The following RGS7 variants were observed in gnomAD, a reference collection of about 807,000 sequenced individuals.
RGS7 encodes regulator of G-protein signaling 7.
A neutral mutation model predicts 81.1 loss-of-function variants in RGS7; 27 were observed. That is an observed-to-expected ratio of 0.33 (90% CI 0.25 to 0.46). RGS7 has a LOEUF of 0.46. RGS7 is among the 20% of genes least tolerant of loss of function. The pLI, the probability that RGS7 is intolerant of heterozygous loss-of-function variation, is 1.00. For missense variants in RGS7, 396 were observed against 607.4 expected (o/e 0.65, Z 3.66); for synonymous variants, 208 against 207.7 (o/e 1.00, Z -0.01).
At chr1:240,851,957 C>T (rs1227581854) in intron 9 of RGS7, among the ~76,000 whole-genome samples, 2 of 152,104 alleles carry the variant, frequency 1.3e-5, no homozygotes, top group Non-Finnish European at 2.9e-5. Context: ...ATGGTGTGAA[C>T]ATTGTTGAAA....
intron 3 of RGS7, among the ~76,000 whole-genome samples, chr1:241,009,733 G>C (rs1558591013): frequency 6.6e-6 from 1 of 152,148 alleles, no homozygotes; most frequent in Non-Finnish European, 1.5e-5. Context: ...TACTTGAATG[G>C]GCATGTTAGA....
intron 3 of RGS7, among the ~76,000 whole-genome samples, chr1:241,064,233 T>C (rs935680318): frequency 6.6e-6 from 1 of 151,300 alleles, no homozygotes; most frequent in African/African-American, 2.4e-5. Flanking sequence ...GCTGTGCTTT[T>C]TGTAGGTCAG....
At chr1:241,056,617 C>A (rs2148820919) in intron 3 of RGS7, among the ~76,000 whole-genome samples, 1 of 152,280 alleles carries the variant, frequency 6.6e-6, no homozygotes, top group East Asian at 1.9e-4. Flanking sequence ...AACCTTTGGT[C>A]TCTCCTGGGC....
At chr1:240,803,667 C>CAA (rs58638602) in intron 15 of RGS7, among the ~76,000 whole-genome samples, 156 of 132,406 alleles carry the variant, frequency 1.2e-3, no homozygotes, top group African/African-American at 1.6e-3. Flanking sequence ...ATAGACAAGT[C>CAA]AAAAAAAAAA....
At chr1:241,293,989 T>G (rs555469126) in intron 2 of RGS7, among the ~76,000 whole-genome samples, 1 of 152,210 alleles carries the variant, frequency 6.6e-6, no homozygotes, top group Non-Finnish European at 1.5e-5. Flanking sequence ...ACACATGCAC[T>G]TGTATGTTTA....
chr1:241,320,603 T>A (rs1213741427), intron 2 of RGS7, among the ~76,000 whole-genome samples: 1 of 152,240 alleles, frequency 6.6e-6, no homozygotes, highest in Non-Finnish European at 1.5e-5. Context: ...ATAAATTCAA[T>A]CTATACATTT....
At chr1:241,099,278 C>T (rs1047113241) in intron 2 of RGS7, among the ~76,000 whole-genome samples, 3 of 152,096 alleles carry the variant, frequency 2.0e-5, no homozygotes, top group South Asian at 2.1e-4. Flanking sequence ...ATCTCTTGCC[C>T]GGGTACTTAC....
chr1:241,355,529 T>C (rs2083505738), intron 2 of RGS7, among the ~76,000 whole-genome samples, 170 bp downstream of exon 2: 1 of 152,190 alleles, frequency 6.6e-6, no homozygotes, highest in Admixed American at 6.5e-5. Context: ...TTTCCCCACA[T>C]ATGCATCATT....
intron 5 of RGS7, among the ~76,000 whole-genome samples, chr1:240,932,560 G>C (rs1198472381): frequency 2.2e-5 from 3 of 136,522 alleles, no homozygotes; most frequent in Admixed American, 7.9e-5. Context: ...CCAGGCTGGA[G>C]TGCAGTGGTG....
chr1:241,159,682 A>T (rs60621897), intron 2 of RGS7, among the ~76,000 whole-genome samples: 2,197 of 152,268 alleles, frequency 0.014, 41 homozygotes, highest in African/African-American at 0.05. Flanking sequence ...GAAAGACATC[A>T]AAGTCAAACT....
At chr1:240,869,582 A>C (rs888746924) in intron 7 of RGS7, among the ~76,000 whole-genome samples, 1 of 152,234 alleles carries the variant, frequency 6.6e-6, no homozygotes, top group African/African-American at 2.4e-5. Context: ...GAAGAGAGGA[A>C]GTAAGCAAAC....
intron 9 of RGS7, among the ~76,000 whole-genome samples, chr1:240,867,958 G>A (rs1663618345): frequency 6.7e-6 from 1 of 149,748 alleles, no homozygotes; most frequent in Admixed American, 6.8e-5. Context: ...CCAAGATCAT[G>A]CCACTGTACT....
At chr1:240,798,080 A>G (rs570908927) in intron 18 of RGS7, among the ~76,000 whole-genome samples, 1 of 152,274 alleles carries the variant, frequency 6.6e-6, no homozygotes, top group African/African-American at 2.4e-5. Flanking sequence ...AGGTGCCCTC[A>G]CCTCACTATT....
intron 2 of RGS7, among the ~76,000 whole-genome samples, chr1:241,257,430 T>C (rs76781493): frequency 0.015 from 2,267 of 152,260 alleles, 56 homozygotes; most frequent in African/African-American, 0.052. Context: ...ATTTAAACCA[T>C]AGAAATCACT....
intron 2 of RGS7, among the ~76,000 whole-genome samples, chr1:241,327,041 AGG>A (rs1216552283): frequency 6.6e-5 from 2 of 30,368 alleles, no homozygotes; most frequent in African/African-American, 2.3e-4. Context: ...GAAGGAAGGG[AGG>A]GAGGGGAAAG....
At chr1:240,785,122 T>C (rs1684846928) in intron 18 of RGS7, among the ~76,000 whole-genome samples, 1 of 152,214 alleles carries the variant, frequency 6.6e-6, no homozygotes, top group Non-Finnish European at 1.5e-5. Context: ...TTTGTTATTT[T>C]ACTCTCATGT....
chr1:240,883,152 T>G (rs1488170226), intron 6 of RGS7, among the ~76,000 whole-genome samples: 1 of 149,156 alleles, frequency 6.7e-6, no homozygotes, highest in Non-Finnish European at 1.5e-5. Context: ...TGTTGGACAT[T>G]TGGGTTGGTT....
At chr1:240,844,689 G>T (rs1056667178) in intron 9 of RGS7, among the ~76,000 whole-genome samples, 1 of 152,172 alleles carries the variant, frequency 6.6e-6, no homozygotes, top group Non-Finnish European at 1.5e-5. Context: ...CACTCATAGC[G>T]GCTTGTGATA....
At chr1:241,159,492 T>TTCCA (rs1341489875) in intron 2 of RGS7, among the ~76,000 whole-genome samples, 2 of 151,972 alleles carry the variant, frequency 1.3e-5, no homozygotes, top group Non-Finnish European at 2.9e-5. Context: ...CCTTCCTTCC[T>TTCCA]TCCATCCATC....
Sources: allele counts gnomAD v4.1 joint callset (sites outside exome capture counted in the v4.1 genomes callset), GRCh38; gene constraint gnomAD v4.1.1; transcripts MANE v1.5; gene names NCBI Gene and HGNC (gene_info 2026-07-23, HGNC 2026-07-21).